The following RNF17 variants were observed in gnomAD, a reference collection of about 807,000 sequenced individuals.
RNF17 encodes the protein spermatogenesis associated 23.
A neutral mutation model predicts 200.5 loss-of-function variants in RNF17; 31 were observed. The ratio of observed to expected loss-of-function variants is 0.15; its 90% CI spans 0.12 to 0.21. The LOEUF is 0.21. RNF17 is among the 10% of genes least tolerant of loss of function. RNF17 has a pLI of 1.00. For missense variants in RNF17, 1,628 were observed against 1,905.1 expected (o/e 0.85, Z 2.71); for synonymous variants, 606 against 637.8 (o/e 0.95, Z 0.75).
intron 18 of RNF17, among the ~76,000 whole-genome samples, chr13:24,839,943 ACAACC>A (rs1401984948): frequency 1.3e-5 from 2 of 152,216 alleles, no homozygotes; most frequent in East Asian, 1.9e-4. Context: ...GAGTAAACAG[ACAACC>A]CACAGAGTGG....
chr13:24,804,189 A>G (rs1362943808), intron 14 of RNF17, 99 bp from the exon 15 acceptor site: 1 of 1,084,972 alleles, frequency 9.2e-7, no homozygotes, highest in African/African-American at 1.6e-5. Context: ...TTGAGCCCAG[A>G]AGGGTAGAGG....
chr13:24,780,957 C>T (rs1200191927), intron 5 of RNF17, among the ~76,000 whole-genome samples: 2 of 151,994 alleles, frequency 1.3e-5, no homozygotes, highest in South Asian at 2.1e-4. Context: ...ACTCGATATA[C>T]GATTCATCCT....
chr13:24,763,779 T>G (rs1725713444), upstream of RNF17, among the ~76,000 whole-genome samples: 1 of 152,138 alleles, frequency 6.6e-6, no homozygotes, highest in Admixed American at 6.5e-5. Flanking sequence ...GCTTCTCCAC[T>G]CCAGCTGCTA....
At chr13:24,767,127 G>A in intron 1 of RNF17, 145 bp from the exon 2 acceptor site, 1 of 588,708 alleles carries the variant, frequency 1.7e-6, no homozygotes, top group Non-Finnish European at 3.0e-6. Flanking sequence ...TACTTGGGAG[G>A]CTGAGGTAGG....
In RNF17 at chr13:24,764,888, GGTGTGTGTGT is replaced by G. The variant is rs57755622; in HGVS notation, c.130+582_130+591del. Among the ~76,000 whole-genome samples the G allele has an allele frequency of 5.8e-4, 78 of 134,168 alleles. 1 individual carries two copies. Among genetic ancestry groups the G allele is most frequent in the African/African-American group, 1.7e-3 (61 of 35,512 alleles). 88.0% of individuals were successfully genotyped at this position (134,168 alleles called of 152,430 possible). On this transcript the variant is annotated intron_variant, in intron 1 of 35. Coordinates refer to ENST00000255324, the MANE Select transcript of RNF17 (RefSeq NM_031277.3). The stretch of plus-strand genomic sequence containing the variant: ...ATAGTTTCTTTTGTGCACCTTGTGG[GGTGTGTGTGT>G]GTGTGTGTGTGTGTGTGTGTGTGTG...
rs116251973 is a variant in RNF17 at position 24,797,796 on chromosome 13, C to T, written c.1399+1501C>T. ...GACCAGGATTGTTTCCTGCCTTGTG[C>T]CCTGAGCTGCCTGGATGGGCTTCAG... On this transcript the variant is annotated intron_variant, in intron 11 of 35. Transcript: ENST00000255324. 3.7e-3 allele frequency among the ~76,000 whole-genome samples: 558 copies of T among 149,996 alleles called. 2 individuals carry two copies. Among genetic ancestry groups the T allele is most frequent in the African/African-American group, 0.013 (519 of 40,778 alleles).
At chr13:24,820,373 T>C (rs534543043) in intron 15 of RNF17, among the ~76,000 whole-genome samples, 253 of 152,196 alleles carry the variant, frequency 1.7e-3, no homozygotes, top group African/African-American at 5.7e-3. Context: ...CTGCCTGCCT[T>C]GGCCTCCCAA....
At position 24,781,832 on chromosome 13, in the gene RNF17, T is replaced by C; in HGVS notation, c.511-12T>C. 1 of 1,553,332 alleles carries C rather than the reference T, an allele frequency of 6.4e-7. No homozygotes were observed. Among genetic ancestry groups the C allele is most frequent in the South Asian group, 1.2e-5 (1 of 83,490 alleles). On this transcript the variant is annotated splice_polypyrimidine_tract_variant and intron_variant, in intron 5 of 35. Coordinates refer to ENST00000255324, the MANE Select transcript of RNF17 (RefSeq NM_031277.3). ...CCAAATTAAGTTTTTGTCTTGTTTT[T>C]TTTTTTTCCAGGCACTTGAACACAT... is the stretch of plus-strand genomic sequence containing the variant.
intron 17 of RNF17, 56 bp downstream of exon 17, chr13:24,830,655 T>A (rs1370558313): frequency 1.7e-6 from 2 of 1,175,978 alleles, no homozygotes; most frequent in Non-Finnish European, 2.5e-6. Flanking sequence ...TATGGAAGTA[T>A]TTTTAGAAGC....
chr13:24,866,289 AAC>A (rs1593473801), intron 30 of RNF17, 86 bp downstream of exon 30: 1 of 721,632 alleles, frequency 1.4e-6, no homozygotes, highest in Admixed American at 2.5e-5. Flanking sequence ...TCTCTTTTAT[AAC>A]AGTTTTATTA....
At chr13:24,773,476 C>A (rs184574021) in intron 2 of RNF17, among the ~76,000 whole-genome samples, 1 of 152,274 alleles carries the variant, frequency 6.6e-6, no homozygotes, top group Admixed American at 6.5e-5. Context: ...ACCACATTTT[C>A]ACTTCAAGTG....
At chr13:24,880,257 G>C (rs1404526722), downstream of RNF17, among the ~76,000 whole-genome samples, 3 of 152,148 alleles carry the variant, frequency 2.0e-5, no homozygotes, top group Non-Finnish European at 2.9e-5. Flanking sequence ...GCAAAGGGGG[G>C]AAACGCCCCT....
chr13:24,832,843 A>T (rs940082484), intron 18 of RNF17, among the ~76,000 whole-genome samples: 2 of 152,186 alleles, frequency 1.3e-5, no homozygotes, highest in African/African-American at 4.8e-5. Flanking sequence ...TCCAGGGCTC[A>T]AGTGATCTTC....
At chr13:24,842,184 A>G (rs1890711534) in intron 19 of RNF17, 23 bp downstream of exon 19, 2 of 1,568,058 alleles carry the variant, frequency 1.3e-6, no homozygotes, top group Middle Eastern at 3.6e-4. Flanking sequence ...GTAAACTTTC[A>G]TTGTTAGTTC....
In RNF17 at chr13:24,782,606, G is replaced by T. The variant is rs763964691; in HGVS notation, c.611+662G>T. 7.4e-4 allele frequency among the ~76,000 whole-genome samples: 22 copies of T among 29,800 alleles called. 1 individual carries two copies. Among genetic ancestry groups the T allele is most frequent in the East Asian group, 6.2e-3 (5 of 810 alleles). 19.5% of individuals were successfully genotyped at this position (29,800 alleles called of 152,430 possible). ...TAAGCTCACTTTGGGAGGCTGAGATGGGGGGGGGATCTTTGAGCTCAGGAG... is the reference window on the plus strand; with the variant it reads ...TAAGCTCACTTTGGGAGGCTGAGATTGGGGGGGGATCTTTGAGCTCAGGAG... On this transcript the variant is annotated intron_variant, in intron 6 of 35. Coordinates refer to ENST00000255324, the MANE Select transcript of RNF17 (RefSeq NM_031277.3).
downstream of RNF17, chr13:24,883,152 T>G (rs1468980088): frequency 6.3e-7 from 1 of 1,596,586 alleles, no homozygotes; most frequent in African/African-American, 1.3e-5. Flanking sequence ...TCAGTTACTG[T>G]TACTTCATGA....
chr13:24,831,823 T>A (rs760035055), intron 17 of RNF17, 35 bp from the exon 18 acceptor site: 5 of 1,572,408 alleles, frequency 3.2e-6, no homozygotes, highest in Middle Eastern at 1.9e-4. Flanking sequence ...AGAAATTAAA[T>A]TTTTTTCTTA....
At chr13:24,794,999 G>A (rs953074050) in intron 10 of RNF17, among the ~76,000 whole-genome samples, 13 of 152,142 alleles carry the variant, frequency 8.5e-5, no homozygotes, top group African/African-American at 2.7e-4. Context: ...GATTATAGGC[G>A]TGAGCCATCG....
At chr13:24,769,743 C>CT (rs1880384370) in intron 2 of RNF17, among the ~76,000 whole-genome samples, 1 of 152,146 alleles carries the variant, frequency 6.6e-6, no homozygotes, top group Non-Finnish European at 1.5e-5. Flanking sequence ...TATAATTTAT[C>CT]TTTAACTTCA....
Sources: allele counts gnomAD v4.1 joint callset (sites outside exome capture counted in the v4.1 genomes callset), GRCh38; gene constraint gnomAD v4.1.1; transcripts MANE v1.5; gene names NCBI Gene and HGNC (gene_info 2026-07-23, HGNC 2026-07-21).